The following CNGA2 variants were observed in gnomAD, a reference collection of about 807,000 sequenced individuals.
CNGA2 encodes cyclic nucleotide gated channel subunit alpha 2, also known as cyclic nucleotide-gated channel alpha-2.
Under a neutral mutation model 35.9 loss-of-function variants are expected in CNGA2, and 22 were observed. The observed-to-expected ratio is 0.61, with a 90% CI of 0.44 to 0.88. CNGA2 has a LOEUF of 0.88. CNGA2 is among the 40% of genes least tolerant of loss of function. CNGA2 has a pLI of 0.00. For missense variants in CNGA2, 555 were observed against 530.8 expected, an observed-to-expected ratio of 1.05 and a Z score of -0.45; for synonymous variants, 217 against 209.2, an observed-to-expected ratio of 1.04 and a Z score of -0.32.
intron 1 of CNGA2, among the ~76,000 whole-genome samples, chrX:151,737,157 CT>C (rs2015254787): frequency 8.9e-6 from 1 of 111,893 alleles, no homozygotes; most frequent in Non-Finnish European, 1.9e-5. Flanking sequence ...CCAGGGACAG[CT>C]TCCGGACTGT....
Position 151,739,027 on chromosome X carries a change from G to A in CNGA2, c.203+148G>A, listed in dbSNP as rs141815327. The A allele has an allele frequency of 2.7e-3, 1,274 of 478,388 alleles. 15 individuals carry two copies. In the East Asian group the frequency reaches 0.043, roughly 16 times the overall value. The allele number at this position is 478,388 out of a possible 1,213,427, so 39.4% of individuals were successfully genotyped here. ...GTCACTGGTAGCCAAATTTAATTCC[G>A]TCCTCCTGAGGTCTGGGCAAACCCC... On this transcript the variant is annotated intron_variant, in intron 3 of 6. Transcript: ENST00000329903.
chrX:151,742,673 C>T (rs186484369), intron 6 of CNGA2, 31 bp downstream of exon 6: 17 of 1,124,151 alleles, frequency 1.5e-5, no homozygotes, highest in East Asian at 3.0e-5. Flanking sequence ...CAGGTAAATC[C>T]GAAGGCCTGA....
intron 4 of CNGA2, among the ~76,000 whole-genome samples, chrX:151,740,587 GC>G (rs1380967871): frequency 1.8e-5 from 2 of 112,287 alleles, no homozygotes; most frequent in African/African-American, 6.5e-5. Flanking sequence ...GAAGATGGGT[GC>G]CCCCGCCCAT....
intron 3 of CNGA2, 147 bp from the exon 4 acceptor site, chrX:151,739,415 C>A: frequency 1.5e-6 from 1 of 655,132 alleles, no homozygotes; most frequent in Non-Finnish European, 2.2e-6. Flanking sequence ...CAGCTTTTAG[C>A]ACACGGGAAA....
At chrX:151,742,963 T>TATATATATACAC (rs2015324728) in intron 6 of CNGA2, 130 bp from the exon 7 acceptor site, 1 of 60,736 alleles carries the variant, frequency 1.6e-5, no homozygotes, top group Non-Finnish European at 2.8e-5. Context: ...TATATATGTA[T>TATATATATACAC]ATATATATGT....
chrX:151,738,768 T>C lies in CNGA2; in HGVS notation c.111-19T>C, dbSNP rs7066992. The C allele has an allele frequency of 0.18, 206,530 of 1,155,066 alleles. 15,960 individuals carry two copies. The highest frequency in any genetic ancestry group is 0.53 in the African/African-American group (29,661 of 55,486). ...CATGCCCTGAGAACCCTGGGTCAATTCTGCTCTTTTTTCTGCAGGCCACAC... is the reference window on the plus strand; with the variant it reads ...CATGCCCTGAGAACCCTGGGTCAATCCTGCTCTTTTTTCTGCAGGCCACAC... On this transcript the variant is annotated intron_variant, in intron 2 of 6. Coordinates refer to ENST00000329903, the MANE Select transcript of CNGA2 (RefSeq NM_005140.3).
At chrX:151,739,987 T>G (rs1275311591) in intron 4 of CNGA2, among the ~76,000 whole-genome samples, 1 of 112,534 alleles carries the variant, frequency 8.9e-6, no homozygotes, top group East Asian at 2.8e-4. Context: ...GTCCTCTTGC[T>G]GCACATGAAT....
At chrX:151,736,370 G>T (rs1377584926) in intron 1 of CNGA2, among the ~76,000 whole-genome samples, 1 of 112,188 alleles carries the variant, frequency 8.9e-6, no homozygotes, top group Non-Finnish European at 1.9e-5. Flanking sequence ...GGGCCTTGGG[G>T]TTGGAGGGCA....
rs377556030 is a variant in CNGA2, at chrX:151,739,570, G to A, written c.212G>A (p.Arg71His). 4 of 1,209,349 alleles carry A rather than the reference G, an allele frequency of 3.3e-6. No homozygotes were observed. Among genetic ancestry groups the A allele is most frequent in the East Asian group, 3.0e-5 (1 of 33,763 alleles). The change falls in exon 4 of 7, where the codon CGC becomes CAC. Residue 71 changes from arginine to histidine, a missense_variant. Transcript: ENST00000329903. ...TTTTCTCTCACCTCTAGGATAGTTC[G>A]CCTGGTGGGGATCATCAGAGAATGG... ...QGRSGFRRIV[R>H]LVGIIREWAN...
At position 151,744,769 on chromosome X, in the gene CNGA2, G is replaced by T. The variant is rs2076370946; in HGVS notation, c.*271G>T. The T allele has an allele frequency of 3.2e-6, 1 of 311,070 alleles. No homozygotes were observed. The highest frequency in any genetic ancestry group is 5.6e-6 in the Non-Finnish European group (1 of 177,342). 25.6% of individuals were successfully genotyped at this position (311,070 alleles called of 1,213,427 possible). The stretch of plus-strand genomic sequence containing the variant: ...GGAAGGGAGAAGGGGGCAGCTGTCT[G>T]CCAGGAGTCTGGCTCTTTTGCTCAT... On this transcript the variant is annotated 3_prime_UTR_variant, in exon 7 of 7. Transcript: ENST00000329903.
chrX:151,738,160 T>G (rs1194470444), intron 1 of CNGA2, among the ~76,000 whole-genome samples: 1 of 111,565 alleles, frequency 9.0e-6, no homozygotes, highest in East Asian at 2.9e-4. Context: ...TTTGATAGTT[T>G]GTATGTAAAA....
At chrX:151,735,660 T>C (rs962462377) in intron 1 of CNGA2, among the ~76,000 whole-genome samples, 3 of 111,688 alleles carry the variant, frequency 2.7e-5, no homozygotes, top group African/African-American at 9.8e-5. Context: ...ATTTTTATTA[T>C]CTACTGAATT....
Position 151,744,529 on chromosome X carries a change from G to A in CNGA2, c.*31G>A, listed in dbSNP as rs1603012098. 2 of 919,050 alleles carry A rather than the reference G, an allele frequency of 2.2e-6. No individual in the cohort carries two copies. The highest frequency in any genetic ancestry group is 1.4e-6 in the Non-Finnish European group (1 of 697,046). The allele number at this position is 919,050 out of a possible 1,213,427, so 75.7% of individuals were successfully genotyped here. On this transcript the variant is annotated 3_prime_UTR_variant, in exon 7 of 7. Coordinates refer to ENST00000329903, the MANE Select transcript of CNGA2 (RefSeq NM_005140.3). Reference sequence around the variant, plus strand: ...GGGGCCCAACTGCCTCTCCAGCATTGGCCTTGGCCTTGATCCCAGAAGCTA... The same window carrying A: ...GGGGCCCAACTGCCTCTCCAGCATTAGCCTTGGCCTTGATCCCAGAAGCTA...
rs371216439 is a variant in CNGA2, at chrX:151,744,442, G to A, written c.1939G>A (p.Asp647Asn). 8 of 1,203,506 alleles carry A rather than the reference G, an allele frequency of 6.6e-6. No individual in the cohort carries two copies. The African/African-American group carries it at 1.4e-4, about 21-fold the overall frequency. ...ETKMKQNNED[D>N]YLSDGMNSPE... ...CAAGATGAAACAGAACAATGAAGAT[G>A]ACTACCTGTCTGATGGGATGAACAG... Residue 647 changes from aspartate to asparagine, a missense_variant, in exon 7 of 7, where the codon GAC (aspartate) becomes AAC (asparagine). Coordinates refer to ENST00000329903, the MANE Select transcript of CNGA2 (RefSeq NM_005140.3).
chrX:151,742,435 G>A, intron 5 of CNGA2, 101 bp from the exon 6 acceptor site: 1 of 554,086 alleles, frequency 1.8e-6, no homozygotes, highest in Non-Finnish European at 3.0e-6. Context: ...GATGCCCCTG[G>A]TAGCCATCCC....
intron 1 of CNGA2, among the ~76,000 whole-genome samples, chrX:151,735,425 C>T (rs1162313872): frequency 8.9e-6 from 1 of 111,835 alleles, no homozygotes; most frequent in East Asian, 2.8e-4. Flanking sequence ...CCTACTGCTG[C>T]CTGGTGTCTC....
At chrX:151,735,453 C>T in intron 1 of CNGA2, among the ~76,000 whole-genome samples, 1 of 111,714 alleles carries the variant, frequency 9.0e-6, no homozygotes, top group South Asian at 3.9e-4. Context: ...GAGATCCCCC[C>T]ATCCCTCCCA....
Position 151,744,070 on chromosome X carries a change from A to G in CNGA2, c.1567A>G (p.Ser523Gly). The G allele has an allele frequency of 8.3e-7, 1 of 1,211,367 alleles. No individual in the cohort carries two copies. Among genetic ancestry groups the G allele is most frequent in the Non-Finnish European group, 1.1e-6 (1 of 895,449 alleles). Residue 523 changes from serine (S) to glycine (G), a missense_variant, in exon 7 of 7, where the codon AGT becomes GGT. Ser to Gly is a moderately conservative substitution (Grantham distance 56). Coordinates refer to ENST00000329903, the MANE Select transcript of CNGA2 (RefSeq NM_005140.3). ...GGCTGGAAGCTGCTTTGGCGAGATC[A>G]GTATCCTTAACATTAAGGGCAGTAA... The part of the protein sequence containing the change: ...LSAGSCFGEI[S>G]ILNIKGSKMG...
In CNGA2 at chrX:151,735,909, C is replaced by T. The variant is rs775392556; in HGVS notation, c.-27+966C>T. Among the ~76,000 whole-genome samples, 4 of 111,195 alleles carry T rather than the reference C, an allele frequency of 3.6e-5. No individual in the cohort carries two copies. In the East Asian group the frequency reaches 8.6e-4, roughly 24 times the overall value. Reference sequence around the variant, plus strand: ...GCTCTGTTTGACCACCACTCCTTGACGCTACTCTTGATAAGGTCCCCAGCG... The same window carrying T: ...GCTCTGTTTGACCACCACTCCTTGATGCTACTCTTGATAAGGTCCCCAGCG... On this transcript the variant is annotated intron_variant, in intron 1 of 6. Coordinates refer to ENST00000329903, the MANE Select transcript of CNGA2 (RefSeq NM_005140.3).
Sources: allele counts gnomAD v4.1 joint callset (sites outside exome capture counted in the v4.1 genomes callset), GRCh38; gene constraint gnomAD v4.1.1; transcripts MANE v1.5; gene names NCBI Gene and HGNC (gene_info 2026-07-23, HGNC 2026-07-21).